The following AFF3 variants were observed in gnomAD, a reference collection of about 807,000 sequenced individuals.
The protein encoded by AFF3 is AF4/FMR2 family member 3.
A neutral mutation model predicts 129.7 loss-of-function variants in AFF3; 32 were observed. The observed-to-expected ratio is 0.25, with a 90% CI of 0.19 to 0.33. The LOEUF is 0.33. Ranked by LOEUF, AFF3 falls within the 10% of genes least tolerant of loss-of-function variation. The pLI is 1.00. For synonymous variants in AFF3, 644 were observed against 635.4 expected, an observed-to-expected ratio of 1.01 and a Z score of -0.20; for missense variants, 1,373 against 1,592.0, an observed-to-expected ratio of 0.86 and a Z score of 2.34.
rs377133281 is a variant in AFF3, at chr2:100,067,326, A to G, written c.53+37076T>C. Among the ~76,000 whole-genome samples, 12 of 152,320 alleles carry G rather than the reference A, an allele frequency of 7.9e-5. 1 individual carries two copies. The South Asian group carries it at 1.7e-3, about 21-fold the overall frequency. On this transcript the variant is annotated intron_variant, in intron 4 of 24. Coordinates refer to ENST00000672756, the MANE Select transcript of AFF3 (RefSeq NM_001386135.1). ...GAAGGAGCAGGATAATCTACAAGGG[A>G]AAGTGCCTCTTATCTGTTTCCTTCC... is the stretch of plus-strand genomic sequence containing the variant.
At chr2:99,572,572 C>T (rs1165822304) in intron 18 of AFF3, 5 of 455,254 alleles carry the variant, frequency 1.1e-5, no homozygotes, top group Admixed American at 2.4e-5. Flanking sequence ...AGTTCCTCGG[C>T]GCGGCAGAAA....
chr2:100,019,185 C>T (rs538484042), intron 4 of AFF3, among the ~76,000 whole-genome samples: 16 of 152,172 alleles, frequency 1.1e-4, no homozygotes, highest in South Asian at 2.1e-4. Flanking sequence ...AGACCCTCAA[C>T]GTTAGCCGTA....
rs143689727 is a variant in AFF3 at position 99,611,242 on chromosome 2, A to G, written c.1185-9621T>C. Reference sequence around the variant, plus strand: ...TTTTAATTGCTTACTGAAGCATTTTATGATGGCTGCTTTAAAATGCTTGTC... The same window carrying G: ...TTTTAATTGCTTACTGAAGCATTTTGTGATGGCTGCTTTAAAATGCTTGTC... On this transcript the variant is annotated intron_variant, in intron 13 of 24. Coordinates refer to ENST00000672756, the MANE Select transcript of AFF3 (RefSeq NM_001386135.1). Among the ~76,000 whole-genome samples the G allele has an allele frequency of 3.4e-3, 513 of 152,316 alleles. 1 individual carries two copies. The highest frequency in any genetic ancestry group is 0.012 in the African/African-American group (491 of 41,574).
chr2:99,596,000 C>A lies in AFF3; in HGVS notation c.1372-1711G>T, dbSNP rs372065844. On this transcript the variant is annotated intron_variant, in intron 14 of 24. Transcript: ENST00000672756. Reference sequence around the variant, plus strand: ...GAAGGCCAGAATGAGGATGAAGGCCCCTTCCCTGGGCTGTGAGGATGCGGA... The same window carrying A: ...GAAGGCCAGAATGAGGATGAAGGCCACTTCCCTGGGCTGTGAGGATGCGGA... Among the ~76,000 whole-genome samples, 64 of 152,322 alleles carry A rather than the reference C, an allele frequency of 4.2e-4. 1 individual carries two copies. Among genetic ancestry groups the A allele is most frequent in the African/African-American group, 1.5e-3 (63 of 41,580 alleles).
At chr2:100,022,654 C>T (rs765239009) in intron 4 of AFF3, among the ~76,000 whole-genome samples, 10 of 152,248 alleles carry the variant, frequency 6.6e-5, no homozygotes, top group South Asian at 6.2e-4. Flanking sequence ...ACAAGTGATC[C>T]GCCTGCCTTG....
At chr2:99,977,575 C>T (rs190206273) in intron 7 of AFF3, among the ~76,000 whole-genome samples, 2 of 152,222 alleles carry the variant, frequency 1.3e-5, no homozygotes, top group Admixed American at 1.3e-4. Context: ...AATAGCCCAG[C>T]TCTGCTTCCA....
chr2:99,619,675 CTCTG>C (rs2105291857), intron 13 of AFF3, among the ~76,000 whole-genome samples: 1 of 152,318 alleles, frequency 6.6e-6, no homozygotes, highest in South Asian at 2.1e-4. Flanking sequence ...AGGACTTGGG[CTCTG>C]TCTGTCTTTC....
rs1338001054 is a variant in AFF3, at chr2:99,671,516, G to A, written c.1143+1022C>T. The stretch of plus-strand genomic sequence containing the variant: ...AGCTATGCTCTGCTCACTCTTCCTC[G>A]AAATTCTCCTTTGACTTTTATTTAA... On this transcript the variant is annotated intron_variant, in intron 12 of 24. Coordinates refer to ENST00000672756, the MANE Select transcript of AFF3 (RefSeq NM_001386135.1). Among the ~76,000 whole-genome samples, 6 of 152,046 alleles carry A rather than the reference G, an allele frequency of 3.9e-5. No individual in the cohort carries two copies. The East Asian group carries it at 5.8e-4, about 15-fold the overall frequency.
chr2:100,013,524 A>C lies in AFF3; in HGVS notation c.54-4592T>G, dbSNP rs372191510. Among the ~76,000 whole-genome samples, 9 of 152,344 alleles carry C rather than the reference A, an allele frequency of 5.9e-5. No homozygotes were observed. The East Asian group carries it at 1.7e-3, about 29-fold the overall frequency. ...CTGTGTAAAAGGAACAGCAATGTCCAAAGTACCTTACTCAGCTCTGCCCAG... is the reference window on the plus strand; with the variant it reads ...CTGTGTAAAAGGAACAGCAATGTCCCAAGTACCTTACTCAGCTCTGCCCAG... On this transcript the variant is annotated intron_variant, in intron 4 of 24. Coordinates refer to ENST00000672756, the MANE Select transcript of AFF3 (RefSeq NM_001386135.1).
intron 11 of AFF3, among the ~76,000 whole-genome samples, chr2:99,710,780 C>A (rs1677818582): frequency 6.6e-6 from 1 of 152,164 alleles, no homozygotes; most frequent in Admixed American, 6.5e-5. Flanking sequence ...GGGTGGAATT[C>A]TCTGCGGTAG....
At chr2:99,607,029 ACAGTT>A (rs1680433471) in intron 13 of AFF3, among the ~76,000 whole-genome samples, 1 of 151,844 alleles carries the variant, frequency 6.6e-6, no homozygotes, top group African/African-American at 2.4e-5. Context: ...TAATTTAAGC[ACAGTT>A]CCCTCTTGGA....
intron 7 of AFF3, among the ~76,000 whole-genome samples, chr2:99,955,889 A>G (rs1311048474): frequency 6.6e-6 from 1 of 152,118 alleles, no homozygotes; most frequent in Non-Finnish European, 1.5e-5. Context: ...CTCTACATAG[A>G]GGCAGTTGTA....
At chr2:99,954,465 CAT>C (rs1166202375) in intron 7 of AFF3, among the ~76,000 whole-genome samples, 4 of 152,056 alleles carry the variant, frequency 2.6e-5, no homozygotes, top group Non-Finnish European at 5.9e-5. Flanking sequence ...CACATGCACA[CAT>C]ATGTTTACTG....
intron 7 of AFF3, among the ~76,000 whole-genome samples, chr2:99,867,408 GAGGAGAAACC>G (rs1691500563): frequency 6.6e-6 from 1 of 151,968 alleles, no homozygotes; most frequent in Non-Finnish European, 1.5e-5. Context: ...AGGACAAGCT[GAGGAGAAACC>G]AGGAGTTTCA....
chr2:99,742,593 C>T (rs146156390), intron 10 of AFF3, among the ~76,000 whole-genome samples: 222 of 152,258 alleles, frequency 1.5e-3, no homozygotes, highest in Middle Eastern at 6.8e-3. Context: ...TTCAATCTCA[C>T]GGTGAAGTGA....
intron 7 of AFF3, among the ~76,000 whole-genome samples, chr2:99,882,873 G>A (rs1692826242): frequency 6.6e-6 from 1 of 152,220 alleles, no homozygotes; most frequent in African/African-American, 2.4e-5. Flanking sequence ...GGTTTATGAT[G>A]TAAGAACAAC....
intron 8 of AFF3, among the ~76,000 whole-genome samples, chr2:99,760,872 T>G (rs1028965927): frequency 1.3e-5 from 2 of 152,136 alleles, no homozygotes; most frequent in African/African-American, 4.8e-5. Context: ...CCTATTCCCC[T>G]ACTCTTGAGA....
intron 13 of AFF3, among the ~76,000 whole-genome samples, chr2:99,612,555 T>C (rs1034008129): frequency 3.9e-5 from 6 of 152,256 alleles, no homozygotes; most frequent in Admixed American, 3.3e-4. Context: ...ATGTTCATAG[T>C]GAAACATTCT....
intron 12 of AFF3, among the ~76,000 whole-genome samples, chr2:99,670,538 T>C (rs903670945): frequency 2.4e-4 from 7 of 28,646 alleles, no homozygotes; most frequent in Non-Finnish European, 4.2e-4. Context: ...TATGTGTCTG[T>C]GTGTGTGTGT....
Sources: gnomAD v4.1 joint callset for allele counts (sites outside exome capture counted in the v4.1 genomes callset) on GRCh38, gnomAD v4.1.1 for gene constraint, MANE v1.5 for transcripts, NCBI Gene and HGNC (gene_info 2026-07-23, HGNC 2026-07-21) for gene names.